PSMD1: variants seen among roughly 807,000 people sequenced by gnomAD.
PSMD1 encodes the protein 26S proteasome non-ATPase regulatory subunit 1.
Under a neutral mutation model 119.0 loss-of-function variants are expected in PSMD1, and 18 were observed. That is an observed-to-expected ratio of 0.15 (90% CI 0.10 to 0.22). PSMD1 has a LOEUF of 0.22. Among genes scored for constraint, PSMD1 ranks in the 10% least tolerant of loss-of-function variants. The pLI is 1.00. For synonymous variants in PSMD1, 374 were observed against 396.6 expected, an observed-to-expected ratio of 0.94 and a Z score of 0.68; for missense variants, 702 against 1,158.5, an observed-to-expected ratio of 0.61 and a Z score of 5.72.
Position 231,080,134 on chromosome 2 carries a change from T to C in PSMD1, c.1240-7T>C, listed in dbSNP as rs764528960. 30 of 1,601,242 alleles carry C rather than the reference T, an allele frequency of 1.9e-5. No individual in the cohort carries two copies. Among genetic ancestry groups the C allele is most frequent in the Non-Finnish European group, 2.5e-5 (29 of 1,175,046 alleles). ...TTTGATGTCTTTGTTATGACTTACC[T>C]TTACAGGGTCATGAAAAAGAAGCAT... On this transcript the variant is annotated splice_region_variant and splice_polypyrimidine_tract_variant and intron_variant, in intron 11 of 24. Coordinates refer to ENST00000308696, the MANE Select transcript of PSMD1 (RefSeq NM_002807.4).
In PSMD1 at chr2:231,138,823, G is replaced by A; in HGVS notation, c.1971G>A (p.Gly657=). 2 of 1,614,028 alleles carry A rather than the reference G, an allele frequency of 1.2e-6. No homozygotes were observed. The highest frequency in any genetic ancestry group is 1.3e-5 in the African/African-American group (1 of 75,016). Residue 657 remains glycine, a synonymous_variant, in exon 17 of 25, where the codon GGG becomes GGA. Coordinates refer to ENST00000308696, the MANE Select transcript of PSMD1 (RefSeq NM_002807.4). The part of the protein sequence containing the change: ...HVRYGAAMAL[G]ICCAGTGNKE... ...GCTACGGAGCTGCAATGGCCTTGGG[G>A]ATATGCTGTGCTGGTACAGGAAACA...
intron 9 of PSMD1, among the ~76,000 whole-genome samples, chr2:231,078,289 T>G (rs964749233): frequency 5.9e-5 from 9 of 151,978 alleles, no homozygotes; most frequent in African/African-American, 2.2e-4. Context: ...ATAAACAAAA[T>G]TATCTGGTAA....
At chr2:231,108,386 TA>T (rs1695027181) in intron 16 of PSMD1, 1 of 690,014 alleles carries the variant, frequency 1.4e-6, no homozygotes, top group Non-Finnish European at 2.4e-6. Context: ...ATATTCTTAA[TA>T]CTTACATCTT....
chr2:231,142,768 C>A (rs1340113813), intron 17 of PSMD1, among the ~76,000 whole-genome samples: 1 of 152,050 alleles, frequency 6.6e-6, no homozygotes, highest in Non-Finnish European at 1.5e-5. Context: ...TTTATCATGA[C>A]TACTTCATAA....
At chr2:231,057,797 G>A (rs1319293752) in intron 1 of PSMD1, among the ~76,000 whole-genome samples, 1 of 152,250 alleles carries the variant, frequency 6.6e-6, no homozygotes, top group Non-Finnish European at 1.5e-5. Flanking sequence ...GTAAGTTACA[G>A]AGATCAAGTT....
intron 16 of PSMD1, chr2:231,123,754 G>A (rs145364798): frequency 3.1e-6 from 5 of 1,613,318 alleles, no homozygotes; most frequent in Non-Finnish European, 4.2e-6. Context: ...CACTCTGTAA[G>A]AGAGAGCCAT....
In PSMD1 at chr2:231,078,697, T is replaced by A. The variant is rs1223039566; in HGVS notation, c.1110T>A (p.Val370=). 1 of 1,610,990 alleles carries A rather than the reference T, an allele frequency of 6.2e-7. No homozygotes were observed. Among genetic ancestry groups the A allele is most frequent in the Admixed American group, 1.7e-5 (1 of 59,686 alleles). Residue 370 remains valine, a synonymous_variant, in exon 10 of 25, where the codon GTT becomes GTA. Transcript: ENST00000308696. ...ATTCTGTATGTCATACTGCAACCGT[T>A]ATAGCAAACTCTTTTATGCACTGTG... ...VRNSVCHTAT[V]IANSFMHCGT...
chr2:231,131,956 T>A (rs1695865138), intron 16 of PSMD1, among the ~76,000 whole-genome samples: 1 of 152,182 alleles, frequency 6.6e-6, no homozygotes, highest in Non-Finnish European at 1.5e-5. Context: ...TGTGTCAGAG[T>A]TGGAACTGTT....
intron 12 of PSMD1, among the ~76,000 whole-genome samples, 182 bp from the exon 13 acceptor site, chr2:231,082,701 G>A (rs999627664): frequency 2.0e-5 from 3 of 152,136 alleles, no homozygotes; most frequent in African/African-American, 4.8e-5. Context: ...GCGAAACTAC[G>A]TCTGAAACAA....
At chr2:231,114,153 C>T (rs565511824) in intron 16 of PSMD1, among the ~76,000 whole-genome samples, 2 of 152,214 alleles carry the variant, frequency 1.3e-5, no homozygotes, top group East Asian at 1.9e-4. Context: ...AATAATTGTG[C>T]CTTTTTTCTA....
In PSMD1 at chr2:231,170,599, A is replaced by G. The variant is rs1346914982; in HGVS notation, c.2749A>G (p.Thr917Ala). 1 of 1,613,962 alleles carries G rather than the reference A, an allele frequency of 6.2e-7. No homozygotes were observed. Among genetic ancestry groups the G allele is most frequent in the Non-Finnish European group, 8.5e-7 (1 of 1,179,956 alleles). Reference protein sequence around the residue: ...SIGGIIILKDTSEDIEELVEP... With the variant: ...SIGGIIILKDASEDIEELVEP... ...TGGAGGCATCATCATTCTGAAGGAT[A>G]CCAGTGAAGACATTGAGGAGCTGGT... The change falls in exon 24 of 25, where the codon ACC becomes GCC. Residue 917 changes from threonine (T) to alanine (A), a missense_variant. Thr to Ala is a moderately conservative substitution (Grantham distance 58). Coordinates refer to ENST00000308696, the MANE Select transcript of PSMD1 (RefSeq NM_002807.4). The surrounding 1 kb of genome is among the most constrained non-coding windows in gnomAD (Gnocchi z 4.1).
chr2:231,081,558 T>C (rs971115634), intron 12 of PSMD1, among the ~76,000 whole-genome samples: 1 of 152,208 alleles, frequency 6.6e-6, no homozygotes, highest in South Asian at 2.1e-4. Flanking sequence ...GTTATTCCAC[T>C]TAAAGATGAA....
chr2:231,083,835 T>G, intron 14 of PSMD1, 72 bp downstream of exon 14: 1 of 1,449,118 alleles, frequency 6.9e-7, no homozygotes, highest in Non-Finnish European at 9.5e-7. Context: ...CACTGGAAAT[T>G]AACTCTGTTC....
At chr2:231,168,621 T>C (rs1194511960) in intron 23 of PSMD1, among the ~76,000 whole-genome samples, 1 of 152,198 alleles carries the variant, frequency 6.6e-6, no homozygotes, top group East Asian at 1.9e-4. Flanking sequence ...ACGAGTTAGA[T>C]TGGTGGCTAC....
At position 231,170,497 on chromosome 2, in the gene PSMD1, T is replaced by C. The variant is rs531305128; in HGVS notation, c.2716-69T>C. The C allele has an allele frequency of 1.3e-5, 19 of 1,419,682 alleles. No homozygotes were observed. Among genetic ancestry groups the C allele is most frequent in the Middle Eastern group, 1.9e-4 (1 of 5,364 alleles). The allele number at this position is 1,419,682 out of a possible 1,614,324, so 87.9% of individuals were successfully genotyped here. On this transcript the variant is annotated intron_variant, in intron 23 of 24. Coordinates refer to ENST00000308696, the MANE Select transcript of PSMD1 (RefSeq NM_002807.4). This position sits in a 1 kb window ranked among gnomAD's most constrained non-coding sequence, Gnocchi z 4.1. ...TAGTTTTAAAGTACCATTTAACAAG[T>C]ATTTACTCTAGATTGTGGAGCACGC...
chr2:231,092,182 A>G (rs1206939719), intron 16 of PSMD1, among the ~76,000 whole-genome samples: 1 of 152,180 alleles, frequency 6.6e-6, no homozygotes, highest in Non-Finnish European at 1.5e-5. Flanking sequence ...GCATGTTCTC[A>G]GGTGGCAAGA....
chr2:231,113,084 A>G (rs1393360370), intron 16 of PSMD1, among the ~76,000 whole-genome samples: 1 of 152,134 alleles, frequency 6.6e-6, no homozygotes, highest in Non-Finnish European at 1.5e-5. Flanking sequence ...GGATCGCTTG[A>G]GCCCGGGAAG....
chr2:231,061,699 G>C (rs550414626), intron 2 of PSMD1, among the ~76,000 whole-genome samples: 34 of 152,028 alleles, frequency 2.2e-4, no homozygotes, highest in Non-Finnish European at 4.7e-4. Context: ...AAGTAGCTAG[G>C]ACTGTAGGCA....
At chr2:231,132,988 C>A (rs545957726) in intron 16 of PSMD1, among the ~76,000 whole-genome samples, 1 of 152,192 alleles carries the variant, frequency 6.6e-6, no homozygotes, top group East Asian at 1.9e-4. Flanking sequence ...GGAAGAGAAG[C>A]AACTTGGAGA....
Sources: gnomAD v4.1 joint callset for allele counts (sites outside exome capture counted in the v4.1 genomes callset) on GRCh38, gnomAD v4.1.1 for gene constraint, Gnocchi (gnomAD v3.1) non-coding constraint, MANE v1.5 for transcripts, NCBI Gene and HGNC (gene_info 2026-07-23, HGNC 2026-07-21) for gene names.